Variants in SEMA5A observed in about 807,000 individuals in gnomAD.
SEMA5A encodes semaphorin-5A.
SEMA5A carries 55 observed loss-of-function variants against 135.5 expected under a neutral mutation model. That is an observed-to-expected ratio of 0.41 (90% CI 0.33 to 0.51). The LOEUF (loss-of-function observed/expected upper bound fraction) is 0.51. Ranked by LOEUF, SEMA5A falls within the 20% of genes least tolerant of loss-of-function variation. The pLI is 0.37. For missense variants in SEMA5A, 1,290 were observed against 1,419.9 expected (o/e 0.91, Z 1.47); for synonymous variants, 580 against 546.5 (o/e 1.06, Z -0.85).
intron 8 of SEMA5A, among the ~76,000 whole-genome samples, chr5:9,205,747 G>A (rs1285148495): frequency 6.6e-6 from 1 of 152,186 alleles, no homozygotes; most frequent in Non-Finnish European, 1.5e-5. Context: ...CACAGTGCAG[G>A]TCATGTTGGT....
intron 3 of SEMA5A, among the ~76,000 whole-genome samples, chr5:9,370,534 G>T (rs1755094326): frequency 6.6e-6 from 1 of 152,078 alleles, no homozygotes; most frequent in South Asian, 2.1e-4. Context: ...GAAGGAATTG[G>T]GAGAGCAAAA....
chr5:9,117,081 A>G (rs1740553942), intron 15 of SEMA5A, among the ~76,000 whole-genome samples: 1 of 152,230 alleles, frequency 6.6e-6, no homozygotes, highest in Non-Finnish European at 1.5e-5. Context: ...ATGCTAATCT[A>G]CAAATGAACA....
chr5:9,189,160 A>T (rs1442589013), intron 11 of SEMA5A, among the ~76,000 whole-genome samples: 1 of 152,222 alleles, frequency 6.6e-6, no homozygotes, highest in African/African-American at 2.4e-5. Flanking sequence ...CCTGGCGGAG[A>T]TCAATGCTAA....
At chr5:9,185,911 G>C (rs1254954799) in intron 11 of SEMA5A, among the ~76,000 whole-genome samples, 1 of 152,208 alleles carries the variant, frequency 6.6e-6, no homozygotes, top group Non-Finnish European at 1.5e-5. Flanking sequence ...GACCAGGAGT[G>C]CATGTGGGAC....
intron 19 of SEMA5A, 32 bp from the exon 20 acceptor site, chr5:9,052,060 G>T: frequency 6.5e-7 from 1 of 1,535,598 alleles, no homozygotes; most frequent in Non-Finnish European, 8.8e-7. Flanking sequence ...AGATGGGGCG[G>T]AATGGCCAGT....
chr5:9,330,232 T>C (rs1163227428), intron 4 of SEMA5A, among the ~76,000 whole-genome samples: 1 of 151,780 alleles, frequency 6.6e-6, no homozygotes, highest in African/African-American at 2.4e-5. Flanking sequence ...CTACTAAAAA[T>C]ACAAAAAATT....
intron 4 of SEMA5A, among the ~76,000 whole-genome samples, chr5:9,336,832 A>T (rs1354595105): frequency 1.3e-5 from 2 of 152,190 alleles, no homozygotes; most frequent in Non-Finnish European, 2.9e-5. Context: ...TAGCTATGGC[A>T]GGCATGCTTT....
At chr5:9,314,479 T>A (rs1752305342) in intron 5 of SEMA5A, among the ~76,000 whole-genome samples, 1 of 152,128 alleles carries the variant, frequency 6.6e-6, no homozygotes, top group Non-Finnish European at 1.5e-5. Flanking sequence ...CTGTTAGTAG[T>A]CATTTCCCTT....
intron 16 of SEMA5A, among the ~76,000 whole-genome samples, chr5:9,096,544 T>A (rs1739323952): frequency 6.9e-6 from 1 of 144,596 alleles, no homozygotes; most frequent in South Asian, 2.2e-4. Flanking sequence ...TAAGGCTGTA[T>A]AATATTCCAC....
intron 1 of SEMA5A, among the ~76,000 whole-genome samples, chr5:9,443,395 C>G (rs1050588813): frequency 1.3e-5 from 2 of 152,086 alleles, no homozygotes; most frequent in African/African-American, 2.4e-5. Context: ...AGAAAAACAC[C>G]CTAGAAGCAG....
At chr5:9,207,110 A>G (rs1441417879) in intron 8 of SEMA5A, among the ~76,000 whole-genome samples, 1 of 42,544 alleles carries the variant, frequency 2.4e-5, no homozygotes, top group African/African-American at 7.7e-5. Flanking sequence ...GTGTATATAT[A>G]TATATATATA....
At chr5:9,461,029 A>T (rs1561271782) in intron 1 of SEMA5A, among the ~76,000 whole-genome samples, 1 of 152,232 alleles carries the variant, frequency 6.6e-6, no homozygotes, top group East Asian at 1.9e-4. Flanking sequence ...CTTAACTCCA[A>T]AGATGGATGA....
chr5:9,066,711 C>G, intron 16 of SEMA5A, 65 bp from the exon 17 acceptor site: 1 of 1,425,514 alleles, frequency 7.0e-7, no homozygotes, highest in East Asian at 2.3e-5. Flanking sequence ...CGAAGGGCTC[C>G]TTTCCTTTAG....
chr5:9,108,469 G>A (rs1366832624), intron 15 of SEMA5A, among the ~76,000 whole-genome samples, 182 bp from the exon 16 acceptor site: 3 of 152,162 alleles, frequency 2.0e-5, no homozygotes, highest in Admixed American at 2.0e-4. Flanking sequence ...CATGCTGTGT[G>A]TGCACAGACA....
chr5:9,416,631 T>A (rs142802232), intron 2 of SEMA5A, among the ~76,000 whole-genome samples: 119 of 152,338 alleles, frequency 7.8e-4, no homozygotes, highest in African/African-American at 2.8e-3. Context: ...TTCACAGATT[T>A]ATGGCTACAT....
intron 15 of SEMA5A, among the ~76,000 whole-genome samples, chr5:9,113,579 T>G (rs1048458351): frequency 1.4e-4 from 22 of 152,142 alleles, no homozygotes; most frequent in African/African-American, 4.3e-4. Context: ...ATTTACAAAT[T>G]TCATCAAAAA....
intron 5 of SEMA5A, among the ~76,000 whole-genome samples, chr5:9,304,766 C>T (rs1751780203): frequency 6.6e-6 from 1 of 152,132 alleles, no homozygotes; most frequent in Non-Finnish European, 1.5e-5. Context: ...TATGATGATT[C>T]TGTAGGAATA....
At chr5:9,111,682 G>A (rs980201203) in intron 15 of SEMA5A, among the ~76,000 whole-genome samples, 1 of 152,168 alleles carries the variant, frequency 6.6e-6, no homozygotes, top group African/African-American at 2.4e-5. Flanking sequence ...AGAGAGGTCA[G>A]AGGGAAATAG....
intron 5 of SEMA5A, among the ~76,000 whole-genome samples, chr5:9,312,145 T>A (rs1752167681): frequency 1.3e-5 from 2 of 152,076 alleles, no homozygotes; most frequent in African/African-American, 2.4e-5. Context: ...TGAGGCCAGC[T>A]CCATTTTTAT....
Sources: allele counts gnomAD v4.1 joint callset (sites outside exome capture counted in the v4.1 genomes callset), GRCh38; gene constraint gnomAD v4.1.1; transcripts MANE v1.5; gene names NCBI Gene and HGNC (gene_info 2026-07-23, HGNC 2026-07-21).